The following SLC47A2 variants were observed in gnomAD, a reference collection of about 807,000 sequenced individuals.
The protein encoded by SLC47A2 is multidrug and toxin extrusion protein 2.
In SLC47A2, 52 loss-of-function variants were observed where a neutral mutation model predicts 67.7. The ratio of observed to expected loss-of-function variants is 0.77; its 90% CI spans 0.61 to 0.97. The LOEUF (loss-of-function observed/expected upper bound fraction) is 0.97, where lower values mean the gene tolerates loss of function less well. SLC47A2 is among the 50% of genes least tolerant of loss of function. The pLI is 0.00. For missense variants in SLC47A2, 676 were observed against 712.3 expected, an observed-to-expected ratio of 0.95 and a Z score of 0.58; for synonymous variants, 278 against 292.9, an observed-to-expected ratio of 0.95 and a Z score of 0.52.
intron 6 of SLC47A2, 154 bp downstream of exon 6, chr17:19,708,562 G>A (rs769425830): frequency 1.8e-5 from 29 of 1,607,916 alleles, no homozygotes; most frequent in African/African-American, 8.0e-5. Flanking sequence ...GCCTCTGTGC[G>A]GGAGGTCAGG....
chr17:19,715,054 G>A, intron 2 of SLC47A2, 62 bp downstream of exon 2: 1 of 1,564,004 alleles, frequency 6.4e-7, no homozygotes, highest in Non-Finnish European at 8.7e-7. Flanking sequence ...GGCCCACCCG[G>A]GAACCCGGTG....
chr17:19,686,755 A>G (rs556366864), intron 13 of SLC47A2, among the ~76,000 whole-genome samples: 1 of 152,376 alleles, frequency 6.6e-6, no homozygotes, highest in East Asian at 1.9e-4. Flanking sequence ...TCACATTTAT[A>G]AATATATATG....
chr17:19,691,059 G>T (rs1308356631), intron 13 of SLC47A2, among the ~76,000 whole-genome samples: 1 of 151,942 alleles, frequency 6.6e-6, no homozygotes, highest in East Asian at 1.9e-4. Flanking sequence ...GGAGGCGGAG[G>T]TTGCAGTGAG....
intron 5 of SLC47A2, among the ~76,000 whole-genome samples, chr17:19,709,409 C>T (rs141279468): frequency 3.3e-5 from 5 of 152,242 alleles, no homozygotes; most frequent in Admixed American, 2.0e-4. Context: ...GCCCTTGTCC[C>T]ATTCCTTCCT....
rs199563747 is a variant in SLC47A2, at chr17:19,713,990, C to T, written c.295-17G>A. 8.3e-4 allele frequency: 1,331 copies of T among 1,606,580 alleles called. 1 individual carries two copies. The highest frequency in any genetic ancestry group is 1.0e-3 in the Non-Finnish European group (1,215 of 1,175,064). On this transcript the variant is annotated splice_polypyrimidine_tract_variant and intron_variant, in intron 3 of 16. Transcript: ENST00000433844. ...GCCGAAGCTCTGCAAAACAGCCCGC[C>T]CCGCGTCAGCCGTTTCCACTGCCCG...
intron 4 of SLC47A2, 44 bp downstream of exon 4, chr17:19,713,781 G>C: frequency 6.3e-7 from 1 of 1,587,272 alleles, no homozygotes. Context: ...CGGCGGCCCG[G>C]GTTTCCCAGC....
At chr17:19,706,135 C>A (rs1220454843) in intron 9 of SLC47A2, among the ~76,000 whole-genome samples, 1 of 152,154 alleles carries the variant, frequency 6.6e-6, no homozygotes, top group Non-Finnish European at 1.5e-5. Flanking sequence ...TTGTGGAGTT[C>A]CTGTGTTCTT....
intron 13 of SLC47A2, among the ~76,000 whole-genome samples, chr17:19,682,811 A>T (rs539894767): frequency 1.3e-5 from 2 of 152,234 alleles, no homozygotes; most frequent in East Asian, 1.9e-4. Context: ...GCCCTCACCC[A>T]CTGCTGTCTG....
intron 13 of SLC47A2, among the ~76,000 whole-genome samples, chr17:19,689,752 C>T (rs865859808): frequency 1.3e-5 from 2 of 149,080 alleles, no homozygotes; most frequent in Admixed American, 1.3e-4. Flanking sequence ...AACTATAAAA[C>T]ATTGATGCAA....
intron 11 of SLC47A2, among the ~76,000 whole-genome samples, chr17:19,703,830 G>C (rs962818291): frequency 6.6e-6 from 1 of 152,232 alleles, no homozygotes; most frequent in Non-Finnish European, 1.5e-5. Flanking sequence ...ACAGCAGCAG[G>C]GAAGGAGTGA....
chr17:19,688,095 A>T (rs1028374720), intron 13 of SLC47A2, among the ~76,000 whole-genome samples: 2 of 152,192 alleles, frequency 1.3e-5, no homozygotes, highest in African/African-American at 2.4e-5. Context: ...AAAGAAAACT[A>T]CAGACCAGTA....
intron 13 of SLC47A2, among the ~76,000 whole-genome samples, chr17:19,693,211 C>T (rs923679607): frequency 6.6e-6 from 1 of 151,986 alleles, no homozygotes; most frequent in Non-Finnish European, 1.5e-5. Flanking sequence ...TAATAAAGAA[C>T]AATTAATGCA....
chr17:19,712,886 G>C, intron 4 of SLC47A2, 141 bp from the exon 5 acceptor site: 1 of 747,062 alleles, frequency 1.3e-6, no homozygotes, highest in Non-Finnish European at 2.3e-6. Flanking sequence ...AGCATCAGGG[G>C]CTGCTGCTTC....
chr17:19,692,672 C>A (rs1449102628), intron 13 of SLC47A2, among the ~76,000 whole-genome samples: 1 of 152,148 alleles, frequency 6.6e-6, no homozygotes, highest in African/African-American at 2.4e-5. Context: ...AGAATACTTC[C>A]AAACTCATTC....
chr17:19,713,737 GGGTGT>G, intron 4 of SLC47A2, 83 bp downstream of exon 4: 2 of 1,526,558 alleles, frequency 1.3e-6, no homozygotes, highest in Non-Finnish European at 1.8e-6. Context: ...GAGAAGCATG[GGGTGT>G]GAGGGCTGGG....
intron 13 of SLC47A2, among the ~76,000 whole-genome samples, chr17:19,696,295 CAAA>C (rs397960037): frequency 1.7e-5 from 2 of 116,374 alleles, no homozygotes; most frequent in Admixed American, 8.8e-5. Flanking sequence ...TACTAAAATA[CAAA>C]AAAAAAAAAA....
chr17:19,697,223 G>A (rs1212405752), intron 13 of SLC47A2, among the ~76,000 whole-genome samples: 6 of 152,156 alleles, frequency 3.9e-5, no homozygotes, highest in Admixed American at 3.9e-4. Flanking sequence ...GCATGAACCC[G>A]GGAGGTGGAG....
chr17:19,688,969 A>G (rs1013982111), intron 13 of SLC47A2, among the ~76,000 whole-genome samples: 3 of 151,962 alleles, frequency 2.0e-5, no homozygotes, highest in African/African-American at 4.8e-5. Flanking sequence ...GAGCTCAAGC[A>G]GTCCTCCCAC....
intron 15 of SLC47A2, among the ~76,000 whole-genome samples, chr17:19,680,655 G>A (rs1463863519): frequency 1.3e-5 from 2 of 152,116 alleles, no homozygotes; most frequent in African/African-American, 4.8e-5. Context: ...TGCCTGAGAT[G>A]CAAAGGCTGC....
Sources: allele counts gnomAD v4.1 joint callset (sites outside exome capture counted in the v4.1 genomes callset), GRCh38; gene constraint gnomAD v4.1.1; transcripts MANE v1.5; gene names NCBI Gene and HGNC (gene_info 2026-07-23, HGNC 2026-07-21).